Variants in PTPRQ observed in about 807,000 individuals in gnomAD.
PTPRQ encodes protein tyrosine phosphatase receptor type Q, also known as phosphatidylinositol phosphatase PTPRQ.
A neutral mutation model predicts 246.0 loss-of-function variants in PTPRQ; 199 were observed. The ratio of observed to expected loss-of-function variants is 0.81; its 90% CI spans 0.72 to 0.91. The LOEUF (loss-of-function observed/expected upper bound fraction) is 0.91, where lower values mean the gene tolerates loss of function less well. PTPRQ is among the 40% of genes least tolerant of loss of function. The pLI, the probability that PTPRQ is intolerant of heterozygous loss-of-function variation, is 0.00. For missense variants in PTPRQ, 2,624 were observed against 2,528.4 expected, an observed-to-expected ratio of 1.04 and a Z score of -0.81; for synonymous variants, 869 against 853.2, an observed-to-expected ratio of 1.02 and a Z score of -0.32.
chr12:80,518,298 A>T (rs1895367004), intron 17 of PTPRQ, among the ~76,000 whole-genome samples: 2 of 152,128 alleles, frequency 1.3e-5, no homozygotes, highest in Admixed American at 1.3e-4. Context: ...AGAAATGTCT[A>T]TTCAAATATT....
intron 25 of PTPRQ, among the ~76,000 whole-genome samples, chr12:80,578,574 T>C (rs1897339474): frequency 1.3e-5 from 2 of 151,900 alleles, no homozygotes; most frequent in Admixed American, 1.3e-4. Context: ...GTTGTATTTT[T>C]AGTAGAGACG....
In PTPRQ at chr12:80,496,430, T is replaced by C; in HGVS notation, c.2171T>C (p.Leu724Ser). 3.2e-6 allele frequency: 5 copies of C among 1,550,862 alleles called. No homozygotes were observed. The highest frequency in any genetic ancestry group is 4.4e-6 in the Non-Finnish European group (5 of 1,146,490). ...TSTTDIILRN[L>S]RPHTLYNISV... is the part of the protein sequence containing the mutation. Reference sequence around the variant, plus strand: ...ACAACAGACATAATATTAAGGAACTTAAGACCTCACACCCTCTATAACATT... The same window carrying C: ...ACAACAGACATAATATTAAGGAACTCAAGACCTCACACCCTCTATAACATT... The change falls in exon 14 of 45, where the codon TTA (leucine) becomes TCA (serine). Residue 724 changes from leucine to serine, a missense_variant. Transcript: ENST00000644991.
At chr12:80,538,528 A>AAAGTTCAT (rs1896055531) in intron 19 of PTPRQ, among the ~76,000 whole-genome samples, 1 of 152,200 alleles carries the variant, frequency 6.6e-6, no homozygotes, top group Admixed American at 6.5e-5. Context: ...GGAAGGTATT[A>AAAGTTCAT]AAGTTCATGG....
chr12:80,538,734 C>A (rs1896060634), intron 19 of PTPRQ, among the ~76,000 whole-genome samples: 1 of 151,904 alleles, frequency 6.6e-6, no homozygotes, highest in Non-Finnish European at 1.5e-5. Context: ...ATTTGCTTAT[C>A]CTATGTTATT....
At chr12:80,477,257 A>G (rs909869750) in intron 8 of PTPRQ, among the ~76,000 whole-genome samples, 92 of 152,184 alleles carry the variant, frequency 6.0e-4, no homozygotes, top group African/African-American at 2.1e-3. Context: ...AATTTCATGT[A>G]ATAAATTAAA....
chr12:80,514,402 A>ACACACACACACACACACACACACTCT (rs552667526), intron 17 of PTPRQ, among the ~76,000 whole-genome samples: 4 of 112,980 alleles, frequency 3.5e-5, no homozygotes, highest in East Asian at 3.1e-4. Flanking sequence ...ACACACACAC[A>ACACACACACACACACACACACACTCT]CTCTCTCTCT....
intron 38 of PTPRQ, 91 bp downstream of exon 38, chr12:80,652,925 T>C: frequency 1.6e-6 from 2 of 1,282,148 alleles, no homozygotes; most frequent in Non-Finnish European, 2.0e-6. Flanking sequence ...TATTTTATTT[T>C]ATATTGTTTG....
chr12:80,597,472 G>A (rs116635660), intron 26 of PTPRQ, among the ~76,000 whole-genome samples: 1,749 of 152,076 alleles, frequency 0.012, 33 homozygotes, highest in African/African-American at 0.039. Context: ...AATTAAAATA[G>A]AATGAAAGAT....
At chr12:80,659,338 T>C (rs1900552836) in intron 39 of PTPRQ, among the ~76,000 whole-genome samples, 1 of 152,060 alleles carries the variant, frequency 6.6e-6, no homozygotes, top group Non-Finnish European at 1.5e-5. Context: ...CTACAGCATG[T>C]TAAAGTTTTA....
At position 80,496,510 on chromosome 12, in the gene PTPRQ, T is replaced by C. The variant is rs779748179; in HGVS notation, c.2251T>C (p.Ser751Pro). The C allele has an allele frequency of 1.3e-6, 2 of 1,545,234 alleles. No individual in the cohort carries two copies. Among genetic ancestry groups the C allele is most frequent in the South Asian group, 2.4e-5 (2 of 82,768 alleles). ...GHGNQVSSLL[S>P]VRTSETVPDS... Reference sequence around the variant, plus strand: ...TGGCAATCAGGTATCTTCTTTACTCTCTGTAAGGACTTCGGAGACTGGTGA... The same window carrying C: ...TGGCAATCAGGTATCTTCTTTACTCCCTGTAAGGACTTCGGAGACTGGTGA... Residue 751 changes from serine (S) to proline (P), a missense_variant, in exon 14 of 45, where the codon TCT becomes CCT. Transcript: ENST00000644991.
intron 25 of PTPRQ, among the ~76,000 whole-genome samples, chr12:80,554,847 A>T (rs1565783266): frequency 6.6e-6 from 1 of 152,004 alleles, no homozygotes; most frequent in Non-Finnish European, 1.5e-5. Flanking sequence ...GGCTCAAGTG[A>T]TCCTTCTACC....
intron 8 of PTPRQ, among the ~76,000 whole-genome samples, chr12:80,474,550 G>A (rs1008692975): frequency 2.0e-5 from 3 of 152,094 alleles, no homozygotes; most frequent in Non-Finnish European, 4.4e-5. Context: ...GTTCTCTTAT[G>A]TATTTCCTAA....
chr12:80,466,746 A>G (rs1386672775), intron 6 of PTPRQ, among the ~76,000 whole-genome samples: 10 of 152,224 alleles, frequency 6.6e-5, no homozygotes, highest in African/African-American at 2.4e-4. Context: ...GAGAAAAACA[A>G]GCAATGTGGA....
At chr12:80,510,896 G>A (rs368133803) in intron 17 of PTPRQ, among the ~76,000 whole-genome samples, 9 of 152,070 alleles carry the variant, frequency 5.9e-5, no homozygotes, top group South Asian at 4.2e-4. Context: ...AATGTATTTC[G>A]TTTCTGATCA....
chr12:80,552,576 C>T (rs1238008164), intron 25 of PTPRQ, among the ~76,000 whole-genome samples: 1 of 140,120 alleles, frequency 7.1e-6, no homozygotes, highest in Non-Finnish European at 1.5e-5. Context: ...ATTCATAATC[C>T]AAATCGCAAT....
At chr12:80,632,040 TAGG>T (rs1005500262) in intron 33 of PTPRQ, among the ~76,000 whole-genome samples, 149 bp from the exon 34 acceptor site, 17 of 152,150 alleles carry the variant, frequency 1.1e-4, no homozygotes, top group African/African-American at 3.1e-4. Flanking sequence ...TTAAAAAATC[TAGG>T]AGAAGAGGAA....
intron 17 of PTPRQ, among the ~76,000 whole-genome samples, chr12:80,517,919 T>C (rs901657733): frequency 1.3e-5 from 2 of 152,202 alleles, no homozygotes; most frequent in African/African-American, 4.8e-5. Context: ...ATCTTGGCTA[T>C]TGTGAAGAGT....
chr12:80,632,179 CCCT>C lies in PTPRQ; in HGVS notation c.5687-11_5687-9del. The C allele has an allele frequency of 6.5e-7, 1 of 1,548,882 alleles. No individual in the cohort carries two copies. The highest frequency in any genetic ancestry group is 8.7e-7 in the Non-Finnish European group (1 of 1,145,936). The stretch of plus-strand genomic sequence containing the variant: ...TAATAATATTTAATGATCCTGTTAT[CCCT>C]CTTCTCCAGGGGAAGGACTTTCAGA... On this transcript the variant is annotated splice_polypyrimidine_tract_variant and intron_variant, in intron 33 of 44. Transcript: ENST00000644991.
Position 80,491,496 on chromosome 12 carries a change from T to A in PTPRQ, c.1360-1779T>A, listed in dbSNP as rs964127419. ...ATACAAGGACATAGGAACAAACCCA[T>A]ATAGAGTTCCCTATCCATAGTTCTT... On this transcript the variant is annotated intron_variant, in intron 9 of 44. Transcript: ENST00000644991. Among the ~76,000 whole-genome samples the A allele has an allele frequency of 2.6e-5, 4 of 151,962 alleles. No homozygotes were observed. The East Asian group carries it at 7.7e-4, about 29-fold the overall frequency.
Sources: gnomAD v4.1 joint callset for allele counts (sites outside exome capture counted in the v4.1 genomes callset) on GRCh38, gnomAD v4.1.1 for gene constraint, MANE v1.5 for transcripts, NCBI Gene and HGNC (gene_info 2026-07-23, HGNC 2026-07-21) for gene names.